Variants in SLC12A9 observed in about 807,000 individuals in gnomAD.
SLC12A9 encodes the protein solute carrier family 12 member 9.
Under a neutral mutation model 66.0 loss-of-function variants are expected in SLC12A9, and 55 were observed. The ratio of observed to expected loss-of-function variants is 0.83; its 90% CI spans 0.67 to 1.04. The LOEUF is 1.04. Among genes scored for constraint, SLC12A9 ranks in the 50% least tolerant of loss-of-function variants. SLC12A9 has a pLI of 0.00. For synonymous variants in SLC12A9, 577 were observed against 569.0 expected, an observed-to-expected ratio of 1.01 and a Z score of -0.20; for missense variants, 1,061 against 1,241.9, an observed-to-expected ratio of 0.85 and a Z score of 2.19.
At chr7:100,837,964 C>T (rs1813701574) in intron 1 of SLC12A9, among the ~76,000 whole-genome samples, 1 of 148,008 alleles carries the variant, frequency 6.8e-6, no homozygotes, top group Non-Finnish European at 1.5e-5. Flanking sequence ...GGGTTCACGC[C>T]ATTCTCCTGC....
Position 100,854,649 on chromosome 7 carries a change from C to G in SLC12A9, c.211C>G (p.Gln71Glu), listed in dbSNP as rs1216186310. 1 of 1,614,054 alleles carries G rather than the reference C, an allele frequency of 6.2e-7. No homozygotes were observed. The highest frequency in any genetic ancestry group is 8.5e-7 in the Non-Finnish European group (1 of 1,180,010). The change falls in exon 3 of 14, where the codon CAG (glutamine) becomes GAG (glutamate). Residue 71 changes from glutamine (Q) to glutamate (E), a missense_variant. By Grantham distance (29) the Gln-to-Glu change is conservative. Coordinates refer to ENST00000354161, the MANE Select transcript of SLC12A9 (RefSeq NM_020246.4). Reference protein sequence around the residue: ...GFVVGHAGLLQALAMLLVAYF... With the variant: ...GFVVGHAGLLEALAMLLVAYF... ...CGTGGTGGGTCATGCTGGGCTACTG[C>G]AGGCCCTGGCCATGCTGCTGGTTGC...
chr7:100,844,053 G>A (rs1216461355), intron 1 of SLC12A9, among the ~76,000 whole-genome samples: 2 of 152,082 alleles, frequency 1.3e-5, no homozygotes, highest in Non-Finnish European at 2.9e-5. Context: ...ACGCATGGCC[G>A]AAGCATGAGA....
chr7:100,860,345 G>C, intron 9 of SLC12A9, 113 bp downstream of exon 9: 6 of 1,051,478 alleles, frequency 5.7e-6, no homozygotes, highest in Middle Eastern at 2.3e-4. Flanking sequence ...TATGCACTTG[G>C]GGTTGCACTG....
chr7:100,859,370 C>G, intron 7 of SLC12A9: 1 of 587,124 alleles, frequency 1.7e-6, no homozygotes, highest in South Asian at 2.0e-5. Flanking sequence ...TGGGTAGTGG[C>G]TTTCTACCCA....
chr7:100,847,687 C>A (rs57708886), intron 1 of SLC12A9, among the ~76,000 whole-genome samples: 12,648 of 151,890 alleles, frequency 0.083, 760 homozygotes, highest in African/African-American at 0.17. Flanking sequence ...CGGTGTAACC[C>A]CAGGTTTCCG....
intron 1 of SLC12A9, among the ~76,000 whole-genome samples, chr7:100,836,041 T>C (rs895469343): frequency 6.6e-6 from 1 of 152,062 alleles, no homozygotes; most frequent in African/African-American, 2.4e-5. Context: ...GGGAAGTCTT[T>C]TGTTTCCTCT....
In SLC12A9 at chr7:100,859,178, G is replaced by A; in HGVS notation, c.977+17G>A. 6.2e-7 allele frequency: 1 copy of A among 1,609,006 alleles called. No homozygotes were observed. The highest frequency in any genetic ancestry group is 8.5e-7 in the Non-Finnish European group (1 of 1,175,872). On this transcript the variant is annotated intron_variant, in intron 7 of 13. Transcript: ENST00000354161. Reference sequence around the variant, plus strand: ...TTGTGACAGGTGTCTGGGGAGGGATGGGGGTGGAGTGTCGAACAAGATTGG... The same window carrying A: ...TTGTGACAGGTGTCTGGGGAGGGATAGGGGTGGAGTGTCGAACAAGATTGG...
At chr7:100,842,976 A>C (rs314330) in intron 1 of SLC12A9, among the ~76,000 whole-genome samples, 1 of 152,138 alleles carries the variant, frequency 6.6e-6, no homozygotes, top group Admixed American at 6.5e-5. Context: ...TTCACTTCGT[A>C]TCTCTCACTA....
intron 5 of SLC12A9, chr7:100,857,766 G>A (rs1266964811): frequency 1.3e-5 from 2 of 153,244 alleles, no homozygotes; most frequent in African/African-American, 4.8e-5. Flanking sequence ...ACGAAAATTA[G>A]CTGGGCACGC....
At chr7:100,849,043 G>A (rs1301931284), upstream of SLC12A9, among the ~76,000 whole-genome samples, 2 of 149,094 alleles carry the variant, frequency 1.3e-5, no homozygotes, top group East Asian at 2.0e-4. Context: ...GGGAGTGCCT[G>A]AACCTCCCGA....
chr7:100,835,722 C>T (rs1813642464), intron 1 of SLC12A9, among the ~76,000 whole-genome samples: 1 of 152,136 alleles, frequency 6.6e-6, no homozygotes, highest in Non-Finnish European at 1.5e-5. Context: ...ACATTTCATG[C>T]AGACTTTCCC....
rs765600074 is a variant in SLC12A9, at chr7:100,856,967, C to T, written c.548C>T (p.Thr183Ile). ...LLLGLVGGVCTLGAGLYARAS... is the reference protein window; with the variant it reads ...LLLGLVGGVCILGAGLYARAS... ...CTGGGCCTTGTGGGTGGGGTCTGCA[C>T]CCTGGGAGCCGGCCTCTATGCCCGG... is the stretch of plus-strand genomic sequence containing the variant. Residue 183 changes from threonine to isoleucine, a missense_variant, in exon 5 of 14, where the codon ACC becomes ATC. Coordinates refer to ENST00000354161, the MANE Select transcript of SLC12A9 (RefSeq NM_020246.4). 1.3e-5 allele frequency: 21 copies of T among 1,613,740 alleles called. 1 individual carries two copies. Among genetic ancestry groups the T allele is most frequent in the East Asian group, 4.5e-5 (2 of 44,880 alleles).
chr7:100,848,527 T>TA (rs369233222), upstream of SLC12A9, among the ~76,000 whole-genome samples: 5 of 126,386 alleles, frequency 4.0e-5, no homozygotes, highest in Admixed American at 8.0e-5. Context: ...AATAAATAAA[T>TA]AATAAATAAA....
intron 1 of SLC12A9, among the ~76,000 whole-genome samples, chr7:100,838,682 A>AT (rs1336516234): frequency 6.6e-6 from 1 of 152,028 alleles, no homozygotes. Flanking sequence ...ACGCCGGCTA[A>AT]TTTTTTTGCA....
chr7:100,842,867 G>A (rs1403862981), intron 1 of SLC12A9, among the ~76,000 whole-genome samples: 3 of 152,240 alleles, frequency 2.0e-5, no homozygotes, highest in Admixed American at 6.5e-5. Context: ...ACAGCCTGGA[G>A]TAATAAGTCA....
At chr7:100,848,074 A>G (rs1468202302), upstream of SLC12A9, among the ~76,000 whole-genome samples, 1 of 122,952 alleles carries the variant, frequency 8.1e-6, no homozygotes, top group African/African-American at 3.2e-5. Flanking sequence ...CGACAGAGTG[A>G]CTCCATCTCA....
chr7:100,866,135 C>G lies in SLC12A9; in HGVS notation c.2275C>G (p.Pro759Ala), dbSNP rs540468177. Residue 759 changes from proline to alanine, a missense_variant, in exon 14 of 14, where the codon CCC becomes GCC. Transcript: ENST00000354161. This position sits in a 1 kb window ranked among gnomAD's most constrained non-coding sequence, Gnocchi z 7.3. ...LQMATILGMVPAWHSARLRIF... is the reference protein window; with the variant it reads ...LQMATILGMVAAWHSARLRIF... Reference sequence around the variant, plus strand: ...GATGGCAACCATCTTGGGCATGGTGCCCGCTTGGCATAGCGCCCGGCTCCG... The same window carrying G: ...GATGGCAACCATCTTGGGCATGGTGGCCGCTTGGCATAGCGCCCGGCTCCG... The G allele has an allele frequency of 8.1e-6, 13 of 1,612,932 alleles. 1 individual carries two copies. In the South Asian group the frequency reaches 1.1e-4, roughly 14 times the overall value.
chr7:100,841,470 T>C (rs1401957669), intron 1 of SLC12A9, among the ~76,000 whole-genome samples: 1 of 152,174 alleles, frequency 6.6e-6, no homozygotes, highest in East Asian at 1.9e-4. Context: ...ATGTTAATTG[T>C]AAAGAAAATT....
intron 1 of SLC12A9, among the ~76,000 whole-genome samples, chr7:100,831,207 A>C (rs2472558): frequency 4.0e-5 from 6 of 151,708 alleles, no homozygotes; most frequent in Admixed American, 6.6e-5. Flanking sequence ...ATTTTTGGAG[A>C]CGGCGTTTCA....
Sources: gnomAD v4.1 joint callset for allele counts (sites outside exome capture counted in the v4.1 genomes callset) on GRCh38, gnomAD v4.1.1 for gene constraint, Gnocchi (gnomAD v3.1) non-coding constraint, MANE v1.5 for transcripts, NCBI Gene and HGNC (gene_info 2026-07-23, HGNC 2026-07-21) for gene names.